RASAL2: variants seen among roughly 807,000 people sequenced by gnomAD.
RASAL2 encodes ras GTPase-activating protein nGAP.
RASAL2 carries 58 observed loss-of-function variants against 128.9 expected under a neutral mutation model. That is an observed-to-expected ratio of 0.45 (90% CI 0.36 to 0.56). The LOEUF is 0.56. Among genes scored for constraint, RASAL2 ranks in the 20% least tolerant of loss-of-function variants. The pLI is 0.00. For synonymous variants in RASAL2, 561 were observed against 580.8 expected, an observed-to-expected ratio of 0.97 and a Z score of 0.49; for missense variants, 1,360 against 1,601.6, an observed-to-expected ratio of 0.85 and a Z score of 2.57.
intron 1 of RASAL2, among the ~76,000 whole-genome samples, chr1:178,266,606 GAA>G (rs1207589273): frequency 6.6e-6 from 1 of 152,154 alleles, no homozygotes; most frequent in African/African-American, 2.4e-5. Flanking sequence ...AGGCAAGAAA[GAA>G]GAGGGAAGAA....
At chr1:178,177,457 GT>G (rs1336109390) in intron 1 of RASAL2, among the ~76,000 whole-genome samples, 12 of 152,314 alleles carry the variant, frequency 7.9e-5, no homozygotes, top group Non-Finnish European at 7.4e-5. Context: ...GGAGCCTGAA[GT>G]TTAGGTTAAA....
At chr1:178,410,354 C>T (rs773227775) in intron 4 of RASAL2, among the ~76,000 whole-genome samples, 1 of 151,912 alleles carries the variant, frequency 6.6e-6, no homozygotes, top group Non-Finnish European at 1.5e-5. Context: ...TCATCTCTCA[C>T]CTTATACAAA....
At chr1:178,403,282 G>A (rs555635792) in intron 4 of RASAL2, among the ~76,000 whole-genome samples, 5 of 152,046 alleles carry the variant, frequency 3.3e-5, no homozygotes, top group Non-Finnish European at 7.4e-5. Flanking sequence ...TGTTATTTCC[G>A]TACTTTCTTG....
chr1:178,349,666 A>T (rs113793791), intron 3 of RASAL2, among the ~76,000 whole-genome samples: 4 of 152,042 alleles, frequency 2.6e-5, no homozygotes, highest in South Asian at 2.1e-4. Context: ...AATATATATA[A>T]AAAGATATAT....
chr1:178,414,864 T>G (rs1674651903), intron 4 of RASAL2, among the ~76,000 whole-genome samples: 1 of 152,198 alleles, frequency 6.6e-6, no homozygotes, highest in Non-Finnish European at 1.5e-5. Flanking sequence ...TTGATCTGTT[T>G]CACCTAGATT....
chr1:178,137,150 A>C lies in RASAL2; in HGVS notation c.202+42456A>C, dbSNP rs1396680700. Among the ~76,000 whole-genome samples, 4 of 152,218 alleles carry C rather than the reference A, an allele frequency of 2.6e-5. 1 individual carries two copies. The East Asian group carries it at 7.7e-4, about 29-fold the overall frequency. On this transcript the variant is annotated intron_variant, in intron 1 of 17. Transcript: ENST00000367649. ...GCAGTTAACTTCCGTGGAGGAATTTATTTTTCTCTTGTTATTCAGAGTCTT... is the reference window on the plus strand; with the variant it reads ...GCAGTTAACTTCCGTGGAGGAATTTCTTTTTCTCTTGTTATTCAGAGTCTT...
At chr1:178,200,668 C>T (rs932912602) in intron 1 of RASAL2, among the ~76,000 whole-genome samples, 2 of 152,152 alleles carry the variant, frequency 1.3e-5, no homozygotes, top group Non-Finnish European at 2.9e-5. Flanking sequence ...ACAAAAGGTG[C>T]ATGGACAGCC....
intron 4 of RASAL2, among the ~76,000 whole-genome samples, chr1:178,415,956 A>G (rs953493668): frequency 5.3e-5 from 8 of 152,042 alleles, no homozygotes; most frequent in African/African-American, 1.9e-4. Context: ...CTTTATATTT[A>G]AAGTGAGTTT....
chr1:178,236,202 C>G (rs1327452547), intron 1 of RASAL2, among the ~76,000 whole-genome samples: 1 of 152,088 alleles, frequency 6.6e-6, no homozygotes, highest in Non-Finnish European at 1.5e-5. Context: ...ATTGTTACAT[C>G]AGCTATAAAG....
rs545259920 is a variant in RASAL2, at chr1:178,448,696, T to C, written c.1628-2875T>C. On this transcript the variant is annotated intron_variant, in intron 9 of 17. Coordinates refer to ENST00000367649, the MANE Select transcript of RASAL2 (RefSeq NM_170692.4). ...GCATCTCAAACCGTATTCTCCATTC[T>C]ATGGAGATAGGAGTGAGTATTTATT... Among the ~76,000 whole-genome samples, 38 of 152,238 alleles carry C rather than the reference T, an allele frequency of 2.5e-4. No individual in the cohort carries two copies. The South Asian group carries it at 7.9e-3, about 32-fold the overall frequency.
At chr1:178,115,962 G>A (rs1659508250) in intron 1 of RASAL2, among the ~76,000 whole-genome samples, 1 of 152,200 alleles carries the variant, frequency 6.6e-6, no homozygotes, top group Non-Finnish European at 1.5e-5. Flanking sequence ...AATGGTGAAT[G>A]AAAACTAGAG....
chr1:178,293,366 A>G (rs1667363929), intron 2 of RASAL2, among the ~76,000 whole-genome samples: 1 of 152,150 alleles, frequency 6.6e-6, no homozygotes. Context: ...AAAAGAAGCA[A>G]TTTGATCAAA....
At position 178,385,642 on chromosome 1, in the gene RASAL2, T is replaced by C. The variant is rs1571975264; in HGVS notation, c.458-4458T>C. The stretch of plus-strand genomic sequence containing the variant: ...AAGAAAGGGGTTCTTTAAAATATAG[T>C]AGTATTGTAGTGTCATTTCCTTAGC... On this transcript the variant is annotated intron_variant, in intron 3 of 17. Coordinates refer to ENST00000367649, the MANE Select transcript of RASAL2 (RefSeq NM_170692.4). Among the ~76,000 whole-genome samples the C allele has an allele frequency of 5.3e-5, 8 of 152,128 alleles. No individual in the cohort carries two copies. In the South Asian group the frequency reaches 1.7e-3, roughly 31 times the overall value.
intron 1 of RASAL2, among the ~76,000 whole-genome samples, chr1:178,169,682 A>G (rs991697146): frequency 6.6e-6 from 1 of 152,084 alleles, no homozygotes; most frequent in East Asian, 1.9e-4. Flanking sequence ...TATTGTTGAA[A>G]TTATCCTTCA....
chr1:178,446,625 C>T (rs1677020153), intron 9 of RASAL2, among the ~76,000 whole-genome samples: 1 of 152,168 alleles, frequency 6.6e-6, no homozygotes, highest in Non-Finnish European at 1.5e-5. Context: ...TAATGCTCAA[C>T]AGCCACGTGT....
intron 1 of RASAL2, among the ~76,000 whole-genome samples, chr1:178,254,430 A>T (rs539664802): frequency 1.8e-4 from 27 of 152,306 alleles, no homozygotes; most frequent in African/African-American, 6.3e-4. Flanking sequence ...CTGCTGATCC[A>T]TTTCTCAGTG....
chr1:178,280,675 A>G lies in RASAL2; in HGVS notation c.203-2889A>G, dbSNP rs1305163601. 2.0e-5 allele frequency among the ~76,000 whole-genome samples: 3 copies of G among 152,088 alleles called. No homozygotes were observed. The East Asian group carries it at 5.8e-4, about 29-fold the overall frequency. ...ATTCTTTTTAATGTTTCTAAAATTT[A>G]ATTTTTGTAATGAGGCCAGCATTCA... On this transcript the variant is annotated intron_variant, in intron 1 of 17. Transcript: ENST00000367649.
At chr1:178,314,960 C>T (rs1426262509) in intron 3 of RASAL2, among the ~76,000 whole-genome samples, 2 of 132,362 alleles carry the variant, frequency 1.5e-5, no homozygotes, top group African/African-American at 2.9e-5. Flanking sequence ...CCACCACAGT[C>T]CCCAGAGTGT....
At chr1:178,112,247 A>G (rs1211179216) in intron 1 of RASAL2, among the ~76,000 whole-genome samples, 2 of 151,970 alleles carry the variant, frequency 1.3e-5, no homozygotes, top group Non-Finnish European at 2.9e-5. Context: ...TACTTTTGCT[A>G]TTTTATTTAA....
Sources: allele counts gnomAD v4.1 joint callset (sites outside exome capture counted in the v4.1 genomes callset), GRCh38; gene constraint gnomAD v4.1.1; transcripts MANE v1.5; gene names NCBI Gene and HGNC (gene_info 2026-07-23, HGNC 2026-07-21).